The following ROBO1 variants were observed in gnomAD, a reference collection of about 807,000 sequenced individuals.
ROBO1 encodes roundabout guidance receptor 1.
Under a neutral mutation model 195.9 loss-of-function variants are expected in ROBO1, and 149 were observed. The ratio of observed to expected loss-of-function variants is 0.76; its 90% CI spans 0.67 to 0.87. The LOEUF (loss-of-function observed/expected upper bound fraction) is 0.87. Among genes scored for constraint, ROBO1 ranks in the 40% least tolerant of loss-of-function variants. The pLI is 0.00. For missense variants in ROBO1, 1,933 were observed against 2,068.3 expected (o/e 0.93, Z 1.27); for synonymous variants, 816 against 733.2 (o/e 1.11, Z -1.82).
chr3:78,947,001 A>C (rs2040482604), intron 3 of ROBO1, among the ~76,000 whole-genome samples: 1 of 152,238 alleles, frequency 6.6e-6, no homozygotes. Flanking sequence ...CACCCAATAC[A>C]GGAGCACCCA....
chr3:79,476,815 C>T (rs2107352358), intron 2 of ROBO1, among the ~76,000 whole-genome samples: 1 of 151,984 alleles, frequency 6.6e-6, no homozygotes, highest in East Asian at 1.9e-4. Flanking sequence ...GTAAGGGGTA[C>T]ACTGCTCGGG....
chr3:78,640,096 G>C (rs1238931454), intron 21 of ROBO1, among the ~76,000 whole-genome samples, 198 bp from the exon 22 acceptor site: 1 of 151,890 alleles, frequency 6.6e-6, no homozygotes, highest in Admixed American at 6.6e-5. Context: ...CATTTACATA[G>C]CCATAACTGT....
chr3:79,536,976 C>G (rs1024626898), intron 2 of ROBO1, among the ~76,000 whole-genome samples: 6 of 151,998 alleles, frequency 3.9e-5, no homozygotes, highest in Admixed American at 3.9e-4. Flanking sequence ...TTTAAGTAAG[C>G]ATTCAATAAA....
In ROBO1 at chr3:78,673,561, T is replaced by TA. The variant is rs1206450198; in HGVS notation, c.1343-3261_1343-3260insT. On this transcript the variant is annotated intron_variant, in intron 10 of 30. Coordinates refer to ENST00000464233, the MANE Select transcript of ROBO1 (RefSeq NM_002941.4). The stretch of plus-strand genomic sequence containing the variant: ...TATATTACAGCTAGGTTACATATAT[T>TA]TTATATATATATATATATATATATA... Among the ~76,000 whole-genome samples, 256 of 77,644 alleles carry TA rather than the reference T, an allele frequency of 3.3e-3. 1 individual carries two copies. The highest frequency in any genetic ancestry group is 4.2e-3 in the Non-Finnish European group (186 of 44,428). The allele number at this position is 77,644 out of a possible 152,430, so 50.9% of individuals were successfully genotyped here. A position where few individuals can be genotyped will look rare whatever the true frequency, so the allele number is the denominator to read the frequency against.
At chr3:79,708,515 A>G (rs1702148475) in intron 1 of ROBO1, among the ~76,000 whole-genome samples, 1 of 152,190 alleles carries the variant, frequency 6.6e-6, no homozygotes, top group African/African-American at 2.4e-5. Context: ...AGAGAATAGC[A>G]GTAAAATTTT....
intron 2 of ROBO1, among the ~76,000 whole-genome samples, chr3:79,441,495 G>T (rs931968491): frequency 1.8e-4 from 28 of 152,034 alleles, no homozygotes; most frequent in Admixed American, 4.6e-4. Context: ...AATGTCTTTT[G>T]GTGATTATGT....
intron 3 of ROBO1, among the ~76,000 whole-genome samples, chr3:79,057,245 A>G (rs534588249): frequency 2.4e-4 from 37 of 152,134 alleles, no homozygotes; most frequent in African/African-American, 7.9e-4. Context: ...AGGCAGAGTT[A>G]ATTTCTGTAA....
rs540587119 is a variant in ROBO1 at position 78,924,060 on chromosome 3, C to T, written c.499+14541G>A. Among the ~76,000 whole-genome samples, 3 of 151,798 alleles carry T rather than the reference C, an allele frequency of 2.0e-5. No homozygotes were observed. In the East Asian group the frequency reaches 5.8e-4, roughly 29 times the overall value. On this transcript the variant is annotated intron_variant, in intron 4 of 30. Coordinates refer to ENST00000464233, the MANE Select transcript of ROBO1 (RefSeq NM_002941.4). ...AAATACACATATATAAATACATATACACACATACATGTATAAGTATGTATA... is the reference window on the plus strand; with the variant it reads ...AAATACACATATATAAATACATATATACACATACATGTATAAGTATGTATA...
At chr3:79,251,153 A>G (rs945500197) in intron 2 of ROBO1, among the ~76,000 whole-genome samples, 2 of 152,360 alleles carry the variant, frequency 1.3e-5, no homozygotes, top group Admixed American at 6.5e-5. Flanking sequence ...AGACAGAATT[A>G]TATGTATATA....
chr3:79,339,531 C>T (rs1422891816), intron 2 of ROBO1, among the ~76,000 whole-genome samples: 2 of 152,134 alleles, frequency 1.3e-5, no homozygotes, highest in East Asian at 3.9e-4. Flanking sequence ...GCATACATTC[C>T]CTCAGTTGTC....
At chr3:78,658,400 C>T (rs1212464173) in intron 17 of ROBO1, among the ~76,000 whole-genome samples, 8 of 152,208 alleles carry the variant, frequency 5.3e-5, no homozygotes, top group Admixed American at 1.3e-4. Context: ...CAGTGATTCT[C>T]CTGCCTCAGC....
At chr3:79,040,201 G>C (rs1383865447) in intron 3 of ROBO1, among the ~76,000 whole-genome samples, 1 of 152,096 alleles carries the variant, frequency 6.6e-6, no homozygotes, top group African/African-American at 2.4e-5. Flanking sequence ...ATAAAGATTC[G>C]CCTCAATCTT....
chr3:79,544,649 T>G (rs909837036), intron 2 of ROBO1, among the ~76,000 whole-genome samples: 1 of 152,020 alleles, frequency 6.6e-6, no homozygotes, highest in Admixed American at 6.6e-5. Context: ...TTTATAAAAA[T>G]TTTTGTATAT....
intron 2 of ROBO1, among the ~76,000 whole-genome samples, chr3:79,208,686 C>CGTGTGTGTGTGT (rs1559736208): frequency 1.3e-5 from 1 of 79,950 alleles, no homozygotes; most frequent in African/African-American, 5.5e-5. Flanking sequence ...GGTGGTGGGG[C>CGTGTGTGTGTGT]ATGTGTGTGT....
chr3:79,018,807 G>T, intron 3 of ROBO1: 1 of 1,048,366 alleles, frequency 9.5e-7, no homozygotes, highest in Non-Finnish European at 1.2e-6. Flanking sequence ...GCCTCCCGGC[G>T]TGCGCCCCCA....
At chr3:79,249,786 C>G (rs1191082947) in intron 2 of ROBO1, among the ~76,000 whole-genome samples, 1 of 152,130 alleles carries the variant, frequency 6.6e-6, no homozygotes, top group Non-Finnish European at 1.5e-5. Flanking sequence ...TCTAGGCACA[C>G]AGTGTAGAAG....
chr3:79,520,394 G>C lies in ROBO1; in HGVS notation c.88+69430C>G, dbSNP rs147966963. On this transcript the variant is annotated intron_variant, in intron 2 of 30. Transcript: ENST00000464233. ...CATCTCAGAATGGTAAGAAAAAGGA[G>C]AGTCTAGAGTACAAATTTTCTGGCC... Among the ~76,000 whole-genome samples the C allele has an allele frequency of 2.6e-5, 4 of 152,270 alleles. No homozygotes were observed. The East Asian group carries it at 7.7e-4, about 29-fold the overall frequency.
At chr3:79,758,615 G>A (rs2107510145) in intron 1 of ROBO1, among the ~76,000 whole-genome samples, 1 of 152,304 alleles carries the variant, frequency 6.6e-6, no homozygotes, top group East Asian at 1.9e-4. Flanking sequence ...CTTGAAGGAT[G>A]AACATATTCT....
chr3:79,326,903 A>G (rs1166224212), intron 2 of ROBO1, among the ~76,000 whole-genome samples: 1 of 152,186 alleles, frequency 6.6e-6, no homozygotes, highest in Non-Finnish European at 1.5e-5. Context: ...ATGAGTGCTG[A>G]CTGTAGGGCT....
Sources: allele counts gnomAD v4.1 joint callset (sites outside exome capture counted in the v4.1 genomes callset), GRCh38; gene constraint gnomAD v4.1.1; transcripts MANE v1.5; gene names NCBI Gene and HGNC (gene_info 2026-07-23, HGNC 2026-07-21).